The following RANBP2 variants were observed in gnomAD, a reference collection of about 807,000 sequenced individuals.
RANBP2 encodes the protein E3 SUMO-protein ligase RanBP2.
Under a neutral mutation model 303.6 loss-of-function variants are expected in RANBP2, and 57 were observed. The ratio of observed to expected loss-of-function variants is 0.19; its 90% CI spans 0.15 to 0.23. The LOEUF is 0.23. Ranked by LOEUF, RANBP2 falls within the 10% of genes least tolerant of loss-of-function variation. The pLI is 1.00. For synonymous variants in RANBP2, 1,167 were observed against 1,301.5 expected (o/e 0.90, Z 2.23); for missense variants, 3,138 against 3,780.8 (o/e 0.83, Z 4.46).
the RANBP2 span, among the ~76,000 whole-genome samples, chr2:109,200,928 T>C: frequency 6.6e-6 from 1 of 152,140 alleles, no homozygotes; most frequent in South Asian, 2.1e-4. Context: ...GCTGTTGGGA[T>C]AGTGCAGACC....
At chr2:109,120,356 C>G in the RANBP2 span, among the ~76,000 whole-genome samples, 1 of 152,220 alleles carries the variant, frequency 6.6e-6, no homozygotes, top group East Asian at 1.9e-4. Flanking sequence ...CCTCAGGCCA[C>G]CTGGACCCCA....
the RANBP2 span, chr2:109,543,663 C>T: frequency 6.6e-6 from 1 of 152,562 alleles, no homozygotes; most frequent in African/African-American, 2.4e-5. Context: ...TCTGTATTTT[C>T]AGTGGCACTG....
chr2:108,768,784 G>GC (rs1201173160), intron 20 of RANBP2, among the ~76,000 whole-genome samples: 1 of 152,104 alleles, frequency 6.6e-6, no homozygotes, highest in South Asian at 2.1e-4. Flanking sequence ...TAGAATGCCA[G>GC]CACTTTGGGA....
At position 108,782,161 on chromosome 2, in the gene RANBP2, A is replaced by G. The variant is rs1285914872; in HGVS notation, c.8794A>G (p.Ile2932Val). 1.9e-6 allele frequency: 3 copies of G among 1,614,124 alleles called. No individual in the cohort carries two copies. In the African/African-American group the frequency reaches 4.0e-5, roughly 22 times the overall value. Residue 2932 changes from isoleucine to valine, a missense_variant, in exon 27 of 29, where the codon ATT (isoleucine) becomes GTT (valine). Physicochemically the swap from Ile to Val is conservative, Grantham distance 29 (BLOSUM62 3). Around this residue, in one of 20 missense-constraint regions of RANBP2, gnomAD observed 68 missense variants for 117.4 expected, o/e 0.58. Transcript: ENST00000283195. ...AAAATCTGGAGAAGAAGATGAAGAA[A>G]TTTTGTTTAAAGAGAGAGCCAAACT... is the stretch of plus-strand genomic sequence containing the variant. Reference protein sequence around the residue: ...EVKSGEEDEEILFKERAKLYR... With the variant: ...EVKSGEEDEEVLFKERAKLYR...
At chr2:109,346,138 G>A in the RANBP2 span, among the ~76,000 whole-genome samples, 3 of 152,084 alleles carry the variant, frequency 2.0e-5, no homozygotes, top group Admixed American at 6.5e-5. Context: ...TATTGTGCTC[G>A]CACTACAAAG....
the RANBP2 span, among the ~76,000 whole-genome samples, chr2:109,203,956 G>T: frequency 6.6e-6 from 1 of 152,234 alleles, no homozygotes; most frequent in Non-Finnish European, 1.5e-5. Context: ...CAGAGCATCT[G>T]CACGGTGCTC....
chr2:109,094,245 G>T, the RANBP2 span, among the ~76,000 whole-genome samples: 2 of 152,100 alleles, frequency 1.3e-5, no homozygotes, highest in Non-Finnish European at 2.9e-5. Context: ...TTGGCTTTGC[G>T]TTGCCTTGAA....
the RANBP2 span, among the ~76,000 whole-genome samples, chr2:109,505,743 GACTCAA>G: frequency 9.2e-5 from 14 of 152,186 alleles, no homozygotes; most frequent in Non-Finnish European, 1.8e-4. Flanking sequence ...GGACAGCCAT[GACTCAA>G]ACTCAAGTCT....
At chr2:109,702,655 G>C in the RANBP2 span, among the ~76,000 whole-genome samples, 4 of 152,160 alleles carry the variant, frequency 2.6e-5, no homozygotes, top group African/African-American at 7.2e-5. Flanking sequence ...CTTCTATTCT[G>C]ACCTTAGCTT....
chr2:109,142,333 C>T, the RANBP2 span, among the ~76,000 whole-genome samples: 2 of 152,202 alleles, frequency 1.3e-5, no homozygotes, highest in Non-Finnish European at 2.9e-5. Flanking sequence ...AATTCCCATG[C>T]ATGTTATATT....
the RANBP2 span, among the ~76,000 whole-genome samples, chr2:109,444,364 C>T: frequency 6.6e-6 from 1 of 152,182 alleles, no homozygotes; most frequent in East Asian, 1.9e-4. Context: ...CACACAATAG[C>T]CAAGTGCTGA....
At chr2:109,592,381 C>T in the RANBP2 span, among the ~76,000 whole-genome samples, 1 of 152,244 alleles carries the variant, frequency 6.6e-6, no homozygotes, top group African/African-American at 2.4e-5. Flanking sequence ...ATGAGAATTG[C>T]TTGAACCCGG....
the RANBP2 span, among the ~76,000 whole-genome samples, chr2:109,120,421 C>T: frequency 6.6e-6 from 1 of 152,190 alleles, no homozygotes; most frequent in South Asian, 2.1e-4. Flanking sequence ...CAGCTGTGGT[C>T]CCCAAGGATG....
the RANBP2 span, among the ~76,000 whole-genome samples, chr2:109,399,210 C>T: frequency 6.6e-6 from 1 of 152,090 alleles, no homozygotes; most frequent in Non-Finnish European, 1.5e-5. Context: ...TGAGTAACAC[C>T]CACCCGCCTC....
chr2:109,609,346 C>G, the RANBP2 span, among the ~76,000 whole-genome samples: 1 of 150,320 alleles, frequency 6.7e-6, no homozygotes, highest in Non-Finnish European at 1.5e-5. Flanking sequence ...AAGAATAATA[C>G]AGGTTGCTCT....
the RANBP2 span, among the ~76,000 whole-genome samples, chr2:108,867,633 T>C: frequency 6.6e-6 from 1 of 152,174 alleles, no homozygotes; most frequent in African/African-American, 2.4e-5. Context: ...GAGGGTGGAC[T>C]TGAAAAAAAA....
At chr2:108,853,680 C>T in the RANBP2 span, among the ~76,000 whole-genome samples, 3 of 149,542 alleles carry the variant, frequency 2.0e-5, no homozygotes, top group African/African-American at 7.4e-5. Context: ...GCATGCACTA[C>T]GATGACCATC....
chr2:109,025,775 G>A, the RANBP2 span, among the ~76,000 whole-genome samples: 1 of 150,132 alleles, frequency 6.7e-6, no homozygotes, highest in Admixed American at 6.7e-5. Context: ...TCTAGCCTGG[G>A]CAACAGAGCG....
chr2:109,318,293 G>A, the RANBP2 span, among the ~76,000 whole-genome samples: 1 of 152,026 alleles, frequency 6.6e-6, no homozygotes, highest in Non-Finnish European at 1.5e-5. Context: ...CCATGCGACT[G>A]CTCCTCCTAG....
Sources: allele counts gnomAD v4.1 joint callset (sites outside exome capture counted in the v4.1 genomes callset), GRCh38; gene constraint gnomAD v4.1.1; regional missense constraint gnomAD v4.1.1; transcripts MANE v1.5; gene names NCBI Gene and HGNC (gene_info 2026-07-23, HGNC 2026-07-21).